CCSER1: variants seen among roughly 807,000 people sequenced by gnomAD.
CCSER1 encodes coiled-coil serine rich protein 1, also known as serine-rich coiled-coil domain-containing protein 1.
CCSER1 carries 41 observed loss-of-function variants against 82.0 expected under a neutral mutation model. The ratio of observed to expected loss-of-function variants is 0.50; its 90% CI spans 0.39 to 0.65. The LOEUF is 0.65. CCSER1 is among the 30% of genes least tolerant of loss of function. The pLI, the probability that CCSER1 is intolerant of heterozygous loss-of-function variation, is 0.00. For missense variants in CCSER1, 1,119 were observed against 1,064.2 expected, an observed-to-expected ratio of 1.05 and a Z score of -0.72; for synonymous variants, 414 against 383.9, an observed-to-expected ratio of 1.08 and a Z score of -0.92.
intron 10 of CCSER1, among the ~76,000 whole-genome samples, chr4:91,140,284 G>T (rs1455065799): frequency 6.6e-6 from 1 of 151,628 alleles, no homozygotes; most frequent in Non-Finnish European, 1.5e-5. Context: ...ATTCATTTTT[G>T]TGTGATTATT....
chr4:90,765,045 G>A (rs761251760), intron 7 of CCSER1, among the ~76,000 whole-genome samples: 2 of 152,024 alleles, frequency 1.3e-5, no homozygotes, highest in Non-Finnish European at 2.9e-5. Flanking sequence ...AAAAAATCAT[G>A]ACAACCTTGT....
At chr4:90,979,304 G>T (rs1735894659) in intron 9 of CCSER1, among the ~76,000 whole-genome samples, 1 of 151,430 alleles carries the variant, frequency 6.6e-6, no homozygotes. Flanking sequence ...AAGATATGAT[G>T]AATATCTTTG....
chr4:90,266,008 G>A (rs541989833), intron 1 of CCSER1, among the ~76,000 whole-genome samples: 10 of 152,026 alleles, frequency 6.6e-5, no homozygotes, highest in Non-Finnish European at 7.4e-5. Context: ...TGTTTAACTG[G>A]GAAAACCCTT....
At chr4:90,778,539 A>AAAC (rs1554011737) in intron 7 of CCSER1, among the ~76,000 whole-genome samples, 11 of 150,232 alleles carry the variant, frequency 7.3e-5, no homozygotes, top group African/African-American at 1.9e-4. Context: ...AAAAAAAAAA[A>AAAC]ACACAAAAAG....
chr4:90,698,527 C>T (rs1411971985), intron 6 of CCSER1, among the ~76,000 whole-genome samples: 1 of 152,154 alleles, frequency 6.6e-6, no homozygotes, highest in African/African-American at 2.4e-5. Context: ...TTGATCTTTT[C>T]CATGCATTTC....
At chr4:90,303,962 C>A (rs191222540) in intron 1 of CCSER1, among the ~76,000 whole-genome samples, 4 of 152,018 alleles carry the variant, frequency 2.6e-5, no homozygotes, top group Admixed American at 2.6e-4. Flanking sequence ...CAAGAGAAAA[C>A]CAAACAACCC....
At chr4:90,878,817 G>A (rs772179258) in intron 8 of CCSER1, among the ~76,000 whole-genome samples, 1 of 152,086 alleles carries the variant, frequency 6.6e-6, no homozygotes. Context: ...GATTTCCTAT[G>A]TGATAATTAG....
At chr4:91,085,104 A>C (rs1373312845) in intron 9 of CCSER1, among the ~76,000 whole-genome samples, 2 of 146,084 alleles carry the variant, frequency 1.4e-5, no homozygotes, top group African/African-American at 5.1e-5. Flanking sequence ...TTACTACAGG[A>C]CACTTTTTTT....
intron 6 of CCSER1, among the ~76,000 whole-genome samples, chr4:90,721,255 A>G (rs1489736832): frequency 6.6e-6 from 1 of 151,904 alleles, no homozygotes; most frequent in African/African-American, 2.4e-5. Flanking sequence ...TATCTGTGCT[A>G]GTGTTTGAAA....
rs564366394 is a variant in CCSER1, at chr4:90,459,097, T to C, written c.1604-9137T>C. 3.9e-5 allele frequency among the ~76,000 whole-genome samples: 6 copies of C among 152,324 alleles called. No homozygotes were observed. In the East Asian group the frequency reaches 1.2e-3, roughly 29 times the overall value. The stretch of plus-strand genomic sequence containing the variant: ...TGTGTATCTACATATATAGATAGTG[T>C]ATGTGTGTACGTATATATAGATACA... On this transcript the variant is annotated intron_variant, in intron 4 of 10. Coordinates refer to ENST00000509176, the MANE Select transcript of CCSER1 (RefSeq NM_001145065.2).
intron 10 of CCSER1, among the ~76,000 whole-genome samples, chr4:91,287,168 A>T (rs939024943): frequency 4.6e-5 from 7 of 151,878 alleles, no homozygotes; most frequent in African/African-American, 1.4e-4. Flanking sequence ...AGCAATTTTT[A>T]AATTCAGAAT....
At chr4:90,617,478 CT>C (rs1460303842) in intron 5 of CCSER1, among the ~76,000 whole-genome samples, 1 of 152,074 alleles carries the variant, frequency 6.6e-6, no homozygotes, top group African/African-American at 2.4e-5. Flanking sequence ...GTCAAGTATA[CT>C]TCAGCATAGA....
intron 10 of CCSER1, among the ~76,000 whole-genome samples, chr4:91,536,302 T>C (rs530543123): frequency 1.3e-5 from 2 of 152,224 alleles, no homozygotes; most frequent in South Asian, 4.1e-4. Flanking sequence ...GGAATGGGTA[T>C]ACATATTCAT....
At chr4:91,133,186 C>G (rs1728152717) in intron 10 of CCSER1, among the ~76,000 whole-genome samples, 1 of 152,146 alleles carries the variant, frequency 6.6e-6, no homozygotes, top group African/African-American at 2.4e-5. Context: ...CCCTTCTCTT[C>G]TCTTTTCTTC....
chr4:91,497,932 T>C (rs1373338911), intron 10 of CCSER1, among the ~76,000 whole-genome samples: 1 of 151,932 alleles, frequency 6.6e-6, no homozygotes, highest in Non-Finnish European at 1.5e-5. Context: ...AAAGAGGTAA[T>C]TTAAGTATTG....
At chr4:90,769,133 T>C (rs1317516771) in intron 7 of CCSER1, among the ~76,000 whole-genome samples, 2 of 152,198 alleles carry the variant, frequency 1.3e-5, no homozygotes, top group Non-Finnish European at 2.9e-5. Flanking sequence ...AACATTATTA[T>C]AGCTTCTAGA....
At position 90,185,572 on chromosome 4, in the gene CCSER1, A is replaced by C. The variant is rs1734467653; in HGVS notation, c.-42+57741A>C. ...GTACCAGTGCTGATAATAAAGTAAT[A>C]AGGAGGAAGTGCTGACATAAAACAT... On this transcript the variant is annotated intron_variant, in intron 1 of 10. Coordinates refer to ENST00000509176, the MANE Select transcript of CCSER1 (RefSeq NM_001145065.2). Among the ~76,000 whole-genome samples the C allele has an allele frequency of 2.0e-5, 3 of 152,018 alleles. No individual in the cohort carries two copies. The South Asian group carries it at 6.2e-4, about 31-fold the overall frequency.
In CCSER1 at chr4:91,193,102, C is replaced by G. The variant is rs113769261; in HGVS notation, c.2217+107108C>G. Reference sequence around the variant, plus strand: ...AATATTTGTGTCTTTTTTTTCAACCCTACTGCATTTTATCCTTAGCTCATC... The same window carrying G: ...AATATTTGTGTCTTTTTTTTCAACCGTACTGCATTTTATCCTTAGCTCATC... On this transcript the variant is annotated intron_variant, in intron 10 of 10. Coordinates refer to ENST00000509176, the MANE Select transcript of CCSER1 (RefSeq NM_001145065.2). 4.8e-3 allele frequency among the ~76,000 whole-genome samples: 735 copies of G among 152,062 alleles called. 3 individuals are homozygous for G. Among genetic ancestry groups the G allele is most frequent in the Non-Finnish European group, 8.8e-3 (596 of 67,970 alleles).
At chr4:90,363,303 C>T (rs1745704527) in intron 3 of CCSER1, among the ~76,000 whole-genome samples, 1 of 152,102 alleles carries the variant, frequency 6.6e-6, no homozygotes, top group Admixed American at 6.5e-5. Context: ...ATAGTACGCA[C>T]ACTGACACCA....
Sources: gnomAD v4.1 joint callset for allele counts (sites outside exome capture counted in the v4.1 genomes callset) on GRCh38, gnomAD v4.1.1 for gene constraint, MANE v1.5 for transcripts, NCBI Gene and HGNC (gene_info 2026-07-23, HGNC 2026-07-21) for gene names.